ROBO1: variants seen among roughly 807,000 people sequenced by gnomAD.
The protein encoded by ROBO1 is roundabout homolog 1.
In ROBO1, 149 loss-of-function variants were observed where a neutral mutation model predicts 195.9. That is an observed-to-expected ratio of 0.76 (90% CI 0.67 to 0.87). The LOEUF (loss-of-function observed/expected upper bound fraction) is 0.87, where lower values mean the gene tolerates loss of function less well. Among genes scored for constraint, ROBO1 ranks in the 40% least tolerant of loss-of-function variants. The pLI, the probability that ROBO1 is intolerant of heterozygous loss-of-function variation, is 0.00. For missense variants in ROBO1, 1,933 were observed against 2,068.3 expected, an observed-to-expected ratio of 0.93 and a Z score of 1.27; for synonymous variants, 816 against 733.2, an observed-to-expected ratio of 1.11 and a Z score of -1.82.
At chr3:79,312,943 A>C (rs2033555804) in intron 2 of ROBO1, among the ~76,000 whole-genome samples, 1 of 152,214 alleles carries the variant, frequency 6.6e-6, no homozygotes, top group Non-Finnish European at 1.5e-5. Context: ...AAAAGTCATC[A>C]TTAGCTCAAC....
At chr3:79,653,791 G>C (rs1365165216) in intron 1 of ROBO1, among the ~76,000 whole-genome samples, 106 of 151,832 alleles carry the variant, frequency 7.0e-4, no homozygotes, top group Non-Finnish European at 7.4e-5. Flanking sequence ...TAATGTTGAC[G>C]CAAATGAAAT....
intron 2 of ROBO1, among the ~76,000 whole-genome samples, chr3:79,286,743 G>A (rs1399984523): frequency 4.6e-5 from 7 of 152,020 alleles, no homozygotes; most frequent in Non-Finnish European, 1.5e-5. Context: ...GAATGAATAT[G>A]TATATATAAA....
chr3:79,467,310 C>T (rs111945885), intron 2 of ROBO1, among the ~76,000 whole-genome samples: 230 of 151,942 alleles, frequency 1.5e-3, no homozygotes, highest in African/African-American at 5.0e-3. Context: ...TAGAAGAGGG[C>T]GGTTCCCTGG....
intron 29 of ROBO1, among the ~76,000 whole-genome samples, chr3:78,601,426 CT>C (rs1257289100): frequency 6.6e-6 from 1 of 152,196 alleles, no homozygotes; most frequent in Non-Finnish European, 1.5e-5. Flanking sequence ...ACTTTCACCC[CT>C]AACCCACAGT....
chr3:79,643,278 C>T (rs186890464), intron 1 of ROBO1, among the ~76,000 whole-genome samples: 29 of 152,274 alleles, frequency 1.9e-4, no homozygotes, highest in African/African-American at 7.0e-4. Context: ...GAATGCTGCA[C>T]TGTTAGGCTT....
intron 2 of ROBO1, among the ~76,000 whole-genome samples, chr3:79,212,172 C>T (rs1293941967): frequency 6.6e-6 from 1 of 152,142 alleles, no homozygotes; most frequent in Non-Finnish European, 1.5e-5. Flanking sequence ...TTCCGGTAAA[C>T]CCACAAACTT....
intron 2 of ROBO1, among the ~76,000 whole-genome samples, chr3:79,237,257 C>G (rs980633625): frequency 6.6e-6 from 1 of 151,974 alleles, no homozygotes; most frequent in African/African-American, 2.4e-5. Flanking sequence ...CCGAGGCGGG[C>G]GGATCACGAG....
At chr3:79,022,239 A>G (rs1284989730) in intron 3 of ROBO1, among the ~76,000 whole-genome samples, 3 of 152,202 alleles carry the variant, frequency 2.0e-5, no homozygotes, top group Non-Finnish European at 2.9e-5. Context: ...ACTCGTGCAA[A>G]TAAACACTTA....
intron 2 of ROBO1, among the ~76,000 whole-genome samples, chr3:79,198,652 G>A (rs2081692684): frequency 6.6e-6 from 1 of 152,040 alleles, no homozygotes; most frequent in South Asian, 2.1e-4. Context: ...TCACGATATT[G>A]ATTCTTCCTA....
intron 1 of ROBO1, among the ~76,000 whole-genome samples, chr3:79,761,550 T>C (rs1704700753): frequency 6.6e-6 from 1 of 152,152 alleles, no homozygotes; most frequent in Non-Finnish European, 1.5e-5. Flanking sequence ...AAACTTGTCA[T>C]AATAATAAAA....
At chr3:79,750,130 C>T (rs1704066904) in intron 1 of ROBO1, among the ~76,000 whole-genome samples, 1 of 152,218 alleles carries the variant, frequency 6.6e-6, no homozygotes, top group African/African-American at 2.4e-5. Context: ...GGATGTGAGG[C>T]ATGGAGTCAA....
intron 4 of ROBO1, among the ~76,000 whole-genome samples, chr3:78,930,421 G>T (rs2039449431): frequency 6.6e-6 from 1 of 152,158 alleles, no homozygotes; most frequent in Admixed American, 6.5e-5. Flanking sequence ...TTTTGGGAAA[G>T]GGGGGCCCTA....
intron 1 of ROBO1, among the ~76,000 whole-genome samples, chr3:79,688,107 A>T (rs1264293997): frequency 1.3e-5 from 2 of 151,562 alleles, no homozygotes; most frequent in Non-Finnish European, 2.9e-5. Context: ...TTCTCAGCAA[A>T]CTATCGCAAG....
intron 2 of ROBO1, among the ~76,000 whole-genome samples, chr3:79,177,603 C>T (rs553499484): frequency 6.6e-6 from 1 of 152,344 alleles, no homozygotes; most frequent in African/African-American, 2.4e-5. Context: ...TCTTATCTTA[C>T]ACTCAGAAGA....
chr3:78,711,345 T>TCCTTTCTTTTCTTTCTTTC, intron 8 of ROBO1, among the ~76,000 whole-genome samples: 1 of 49,468 alleles, frequency 2.0e-5, no homozygotes, highest in African/African-American at 8.7e-5. Context: ...CCTTCCTTCC[T>TCCTTTCTTTTCTTTCTTTC]TCCTCCTTCC....
At chr3:79,690,715 G>A (rs1407819254) in intron 1 of ROBO1, among the ~76,000 whole-genome samples, 2 of 151,922 alleles carry the variant, frequency 1.3e-5, no homozygotes, top group Non-Finnish European at 2.9e-5. Flanking sequence ...TATACTGACT[G>A]CCAGCTGTGG....
chr3:79,581,898 G>C (rs1943673806), intron 2 of ROBO1, among the ~76,000 whole-genome samples: 1 of 151,964 alleles, frequency 6.6e-6, no homozygotes. Flanking sequence ...TATGTTTGTA[G>C]TCATTTATTC....
chr3:78,929,663 C>T lies in ROBO1; in HGVS notation c.499+8938G>A, dbSNP rs1280674718. ...GATTACAGGCATGCACCACCACGCC[C>T]GGCTAATTTTTGTATTTTTTTGTAG... On this transcript the variant is annotated intron_variant, in intron 4 of 30. Transcript: ENST00000464233. Among the ~76,000 whole-genome samples, 12 of 151,680 alleles carry T rather than the reference C, an allele frequency of 7.9e-5. No individual in the cohort carries two copies. The South Asian group carries it at 8.4e-4, about 11-fold the overall frequency.
At chr3:79,263,915 C>T (rs1408929739) in intron 2 of ROBO1, among the ~76,000 whole-genome samples, 1 of 152,036 alleles carries the variant, frequency 6.6e-6, no homozygotes, top group Non-Finnish European at 1.5e-5. Flanking sequence ...TATTCTACTT[C>T]TTTGACTCCT....
Sources: allele counts gnomAD v4.1 joint callset (sites outside exome capture counted in the v4.1 genomes callset), GRCh38; gene constraint gnomAD v4.1.1; transcripts MANE v1.5; gene names NCBI Gene and HGNC (gene_info 2026-07-23, HGNC 2026-07-21).